The following DNAAF1 variants were observed in gnomAD, a reference collection of about 807,000 sequenced individuals.
DNAAF1 encodes the protein dynein assembly factor 1, axonemal.
A neutral mutation model predicts 71.1 loss-of-function variants in DNAAF1; 65 were observed. The observed-to-expected ratio is 0.91, with a 90% CI of 0.75 to 1.12. DNAAF1 has a LOEUF of 1.12. Ranked by LOEUF, DNAAF1 falls within the 50% of genes most tolerant of loss-of-function variation. The pLI, the probability that DNAAF1 is intolerant of heterozygous loss-of-function variation, is 0.00. For missense variants in DNAAF1, 1,178 were observed against 899.8 expected, an observed-to-expected ratio of 1.31 and a Z score of -3.96; for synonymous variants, 414 against 354.6, an observed-to-expected ratio of 1.17 and a Z score of -1.88.
intron 6 of DNAAF1, among the ~76,000 whole-genome samples, chr16:84,161,298 C>A (rs1338207480): frequency 6.6e-6 from 1 of 152,180 alleles, no homozygotes; most frequent in African/African-American, 2.4e-5. Flanking sequence ...AGGGGCCATG[C>A]TGAGGAAAGT....
chr16:84,154,060 T>C (rs1358771739), intron 3 of DNAAF1, among the ~76,000 whole-genome samples: 2 of 152,054 alleles, frequency 1.3e-5, no homozygotes, highest in Non-Finnish European at 2.9e-5. Context: ...TTGGGTGATA[T>C]TAGGAAAAGG....
rs2086861163 is a variant in DNAAF1 at position 84,145,592 on chromosome 16, TG to T, written c.124+31del. ...GCCGACTGCCCCCCAGGGAGGGCGG[TG>T]GGCGAGGGGCAGACACGGCTAGGCG... On this transcript the variant is annotated intron_variant, in intron 1 of 11. Coordinates refer to ENST00000378553, the MANE Select transcript of DNAAF1 (RefSeq NM_178452.6). 4 of 1,541,352 alleles carry T rather than the reference TG, an allele frequency of 2.6e-6. No individual in the cohort carries two copies. The Admixed American group carries it at 5.9e-5, about 23-fold the overall frequency.
Position 84,176,063 on chromosome 16 carries a change from C to T in DNAAF1, c.1829C>T (p.Ser610Phe), listed in dbSNP as rs753951719. Residue 610 changes from serine to phenylalanine, a missense_variant, in exon 11 of 12, where the codon TCT (serine) becomes TTT (phenylalanine). Coordinates refer to ENST00000378553, the MANE Select transcript of DNAAF1 (RefSeq NM_178452.6). ...TDTLSNIFAV[S>F]KDTSKAARVP... ...ACTCTGTCAAATATATTTGCAGTCT[C>T]TAAAGACACCTCAAAGGCGGCTCGG... is the stretch of plus-strand genomic sequence containing the variant. The T allele has an allele frequency of 1.9e-6, 3 of 1,614,166 alleles. No individual in the cohort carries two copies. The Admixed American group carries it at 5.0e-5, about 27-fold the overall frequency.
At chr16:84,173,480 G>T in intron 9 of DNAAF1, 1 of 983,438 alleles carries the variant, frequency 1.0e-6, no homozygotes, top group Non-Finnish European at 1.2e-6. Flanking sequence ...GAAAAAAAGA[G>T]TTAAAGTGAT....
intron 6 of DNAAF1, 89 bp downstream of exon 6, chr16:84,159,885 G>T: frequency 6.7e-7 from 1 of 1,489,042 alleles, no homozygotes; most frequent in Admixed American, 1.7e-5. Flanking sequence ...TGATTCTTGA[G>T]AAATTTCACA....
intron 3 of DNAAF1, among the ~76,000 whole-genome samples, chr16:84,153,415 A>G (rs1852350846): frequency 6.6e-6 from 1 of 152,246 alleles, no homozygotes; most frequent in African/African-American, 2.4e-5. Flanking sequence ...AAGAAATAAA[A>G]TAACCAAAAT....
chr16:84,174,427 TA>T, intron 9 of DNAAF1: 1 of 1,400,532 alleles, frequency 7.1e-7, no homozygotes, highest in African/African-American at 1.4e-5. Flanking sequence ...GGAAATTCTT[TA>T]AACACGTCAC....
Position 84,154,616 on chromosome 16 carries a change from T to A in DNAAF1, c.392T>A (p.Leu131Gln). 2 of 1,614,192 alleles carry A rather than the reference T, an allele frequency of 1.2e-6. No homozygotes were observed. Among genetic ancestry groups the A allele is most frequent in the East Asian group, 4.5e-5 (2 of 44,880 alleles). The part of the protein sequence containing the change: ...RIENLEEYTG[L>Q]RCLWLQSNGI... ...GAGAACCTGGAAGAGTACACAGGGCTGCGCTGTCTCTGGCTGCAGAGCAAT... is the reference window on the plus strand; with the variant it reads ...GAGAACCTGGAAGAGTACACAGGGCAGCGCTGTCTCTGGCTGCAGAGCAAT... The change falls in exon 4 of 12, where the codon CTG becomes CAG. Residue 131 changes from leucine (L) to glutamine (Q), a missense_variant. Coordinates refer to ENST00000378553, the MANE Select transcript of DNAAF1 (RefSeq NM_178452.6).
At chr16:84,169,072 G>A (rs1476199454) in intron 7 of DNAAF1, among the ~76,000 whole-genome samples, 1 of 140,016 alleles carries the variant, frequency 7.1e-6, no homozygotes, top group East Asian at 2.1e-4. Flanking sequence ...CATCCCTCAA[G>A]GATACTTTTT....
chr16:84,172,262 C>T lies in DNAAF1; in HGVS notation c.1531C>T (p.Pro511Ser), dbSNP rs2088401318. 3 of 1,613,774 alleles carry T rather than the reference C, an allele frequency of 1.9e-6. No homozygotes were observed. The highest frequency in any genetic ancestry group is 2.2e-5 in the South Asian group (2 of 90,960). ...CAAGACTTGTTGTTGCTCTTTAGAA[C>T]CGACTCCCCAGGCTGTGGCCACTGA... Reference protein sequence around the residue: ...PPPLGAAREEPTPQAVATEGV... With the variant: ...PPPLGAAREESTPQAVATEGV... Residue 511 changes from proline (P) to serine (S), a missense_variant and splice_region_variant, in exon 9 of 12, where the codon CCG becomes TCG. Physicochemically the swap from Pro to Ser is moderately conservative, Grantham distance 74. Transcript: ENST00000378553.
chr16:84,155,214 T>A (rs892978912), intron 4 of DNAAF1, among the ~76,000 whole-genome samples: 8 of 150,568 alleles, frequency 5.3e-5, no homozygotes, highest in Non-Finnish European at 1.0e-4. Context: ...AGCCAAGAAG[T>A]GTTTTTGGTT....
At chr16:84,159,324 A>T in intron 5 of DNAAF1, 1 of 923,988 alleles carries the variant, frequency 1.1e-6, no homozygotes, top group South Asian at 2.2e-5. Context: ...ACAATCAATT[A>T]GGCAGAGATT....
At chr16:84,147,895 G>A (rs188285783) in intron 1 of DNAAF1, among the ~76,000 whole-genome samples, 7 of 152,128 alleles carry the variant, frequency 4.6e-5, no homozygotes, top group Admixed American at 1.3e-4. Flanking sequence ...GGGAAACCCC[G>A]TCTCTACTAA....
chr16:84,155,650 G>C lies in DNAAF1; in HGVS notation c.642G>C (p.Gln214His). The C allele has an allele frequency of 1.2e-6, 2 of 1,614,174 alleles. No individual in the cohort carries two copies. Among genetic ancestry groups the C allele is most frequent in the Non-Finnish European group, 1.7e-6 (2 of 1,180,042 alleles). Residue 214 changes from glutamine (Q) to histidine (H), a missense_variant, in exon 5 of 12, where the codon CAG becomes CAC. Coordinates refer to ENST00000378553, the MANE Select transcript of DNAAF1 (RefSeq NM_178452.6). ...HNHLETVEDI[Q>H]HLQECLRLCV... ...ACCTGGAGACCGTGGAGGACATTCAGCATCTACAAGAGTGTTTGAGGCTTT... is the reference window on the plus strand; with the variant it reads ...ACCTGGAGACCGTGGAGGACATTCACCATCTACAAGAGTGTTTGAGGCTTT...
chr16:84,155,883 G>T (rs377511971), intron 5 of DNAAF1, 134 bp downstream of exon 5: 30 of 1,222,932 alleles, frequency 2.5e-5, no homozygotes, highest in Non-Finnish European at 3.5e-5. Flanking sequence ...TTTCCTCTTT[G>T]TGTTTTTAGC....
At chr16:84,172,716 C>T in intron 9 of DNAAF1, 13 of 1,180,584 alleles carry the variant, frequency 1.1e-5, no homozygotes, top group East Asian at 5.5e-5. Flanking sequence ...TGACTAGTTG[C>T]CTTATCCAAA....
At chr16:84,163,027 G>C (rs75111554) in intron 6 of DNAAF1, among the ~76,000 whole-genome samples, 5,699 of 152,192 alleles carry the variant, frequency 0.037, 328 homozygotes, top group African/African-American at 0.13. Flanking sequence ...GATGCAGCGT[G>C]TTCCATCCAG....
rs970087447 is a variant in DNAAF1 at position 84,155,575 on chromosome 16, C to G, written c.575-8C>G. ...TTGTTTTTGACTTCTGCTGACCTTA[C>G]CTTCCAGCCTGCCTCCCAGTCCTGA... On this transcript the variant is annotated splice_region_variant and splice_polypyrimidine_tract_variant and intron_variant, in intron 4 of 11. Coordinates refer to ENST00000378553, the MANE Select transcript of DNAAF1 (RefSeq NM_178452.6). 9.3e-6 allele frequency: 15 copies of G among 1,613,936 alleles called. No individual in the cohort carries two copies. Among genetic ancestry groups the G allele is most frequent in the African/African-American group, 1.3e-5 (1 of 74,896 alleles).
rs1425444306 is a variant in DNAAF1, at chr16:84,174,343, T to TA, written c.1645-326_1645-325insA. The stretch of plus-strand genomic sequence containing the variant: ...TCGGACTAGTTTGTACAGAGGTGCA[T>TA]TTGGTTTGGGTCCCATTATTTCCCC... On this transcript the variant is annotated intron_variant, in intron 9 of 11. Transcript: ENST00000378553. 4.0e-6 allele frequency: 5 copies of TA among 1,256,596 alleles called. No individual in the cohort carries two copies. The African/African-American group carries it at 7.6e-5, about 19-fold the overall frequency. The allele number at this position is 1,256,596 out of a possible 1,614,324, so 77.8% of individuals were successfully genotyped here.
Sources: allele counts gnomAD v4.1 joint callset (sites outside exome capture counted in the v4.1 genomes callset), GRCh38; gene constraint gnomAD v4.1.1; transcripts MANE v1.5; gene names NCBI Gene and HGNC (gene_info 2026-07-23, HGNC 2026-07-21).